SLC17A8: variants seen among roughly 807,000 people sequenced by gnomAD.
The protein encoded by SLC17A8 is solute carrier family 17 member 8, also known as vesicular glutamate transporter 3.
SLC17A8 carries 31 observed loss-of-function variants against 58.0 expected under a neutral mutation model. The ratio of observed to expected loss-of-function variants is 0.53; its 90% confidence interval spans 0.40 to 0.72. SLC17A8 has a LOEUF of 0.72. Among genes scored for constraint, SLC17A8 ranks in the 30% least tolerant of loss-of-function variants. The pLI, the probability that SLC17A8 is intolerant of heterozygous loss-of-function variation, is 0.00. For synonymous variants in SLC17A8, 228 were observed against 249.0 expected (o/e 0.92, Z 0.79); for missense variants, 655 against 727.8 (o/e 0.90, Z 1.15).
At chr12:100,394,325 AC>A (rs1322621911) in intron 4 of SLC17A8, among the ~76,000 whole-genome samples, 2 of 152,052 alleles carry the variant, frequency 1.3e-5, no homozygotes, top group Non-Finnish European at 2.9e-5. Context: ...AAAACAAAAA[AC>A]AAAAGATACC....
At chr12:100,379,921 C>T (rs200584324) in intron 1 of SLC17A8, among the ~76,000 whole-genome samples, 27 of 152,148 alleles carry the variant, frequency 1.8e-4, no homozygotes, top group African/African-American at 5.1e-4. Flanking sequence ...AAAATTAGGC[C>T]GGGCACAGTG....
chr12:100,389,880 G>A (rs1016244060), intron 2 of SLC17A8, among the ~76,000 whole-genome samples: 3 of 151,674 alleles, frequency 2.0e-5, no homozygotes, highest in Non-Finnish European at 2.9e-5. Flanking sequence ...GAGTGTAGTG[G>A]TGTGATCTTG....
intron 10 of SLC17A8, 66 bp from the exon 11 acceptor site, chr12:100,417,963 T>G (rs1952918046): frequency 2.5e-6 from 4 of 1,606,280 alleles, no homozygotes; most frequent in Non-Finnish European, 3.4e-6. Context: ...GGCAACTGAG[T>G]ATTTTCCAAA....
At position 100,404,073 on chromosome 12, in the gene SLC17A8, G is replaced by A. The variant is rs1952809801; in HGVS notation, c.1089G>A (p.Met363Ile). The A allele has an allele frequency of 1.2e-6, 2 of 1,614,172 alleles. No individual in the cohort carries two copies. The highest frequency in any genetic ancestry group is 1.7e-6 in the Non-Finnish European group (2 of 1,180,036). Residue 363 changes from methionine (M) to isoleucine (I), a missense_variant, in exon 9 of 12, where the codon ATG becomes ATA. Transcript: ENST00000323346. The stretch of plus-strand genomic sequence containing the variant: ...TGTCAGCAGTCCCACACATGGTTAT[G>A]ACAATCGTTGTACCTATTGGAGGAC... Reference protein sequence around the residue: ...GLLSAVPHMVMTIVVPIGGQL... With the variant: ...GLLSAVPHMVITIVVPIGGQL...
At chr12:100,362,332 C>T (rs909036253) in intron 1 of SLC17A8, among the ~76,000 whole-genome samples, 3 of 152,180 alleles carry the variant, frequency 2.0e-5, no homozygotes, top group African/African-American at 7.2e-5. Context: ...GTGTTTGGCA[C>T]TGAGGTGGTC....
chr12:100,403,930 TTGG>T, intron 8 of SLC17A8, 105 bp from the exon 9 acceptor site: 2 of 1,240,778 alleles, frequency 1.6e-6, no homozygotes, highest in Non-Finnish European at 1.2e-6. Context: ...ATGCTTAAAT[TTGG>T]TGGTGGTAGG....
At chr12:100,376,207 C>T (rs1243448654) in intron 1 of SLC17A8, among the ~76,000 whole-genome samples, 4 of 152,184 alleles carry the variant, frequency 2.6e-5, no homozygotes, top group Non-Finnish European at 5.9e-5. Context: ...AAATACATTT[C>T]TGTTGTTTAG....
rs533441589 is a variant in SLC17A8 at position 100,389,907 on chromosome 12, G to C, written c.355-1094G>C. ...GTGATCTTGGCTCACTACAACCTCT[G>C]CCTCTTGGGTTCAAGTGATTCTCCT... On this transcript the variant is annotated intron_variant, in intron 2 of 11. Coordinates refer to ENST00000323346, the MANE Select transcript of SLC17A8 (RefSeq NM_139319.3). 2.2e-3 allele frequency among the ~76,000 whole-genome samples: 340 copies of C among 151,840 alleles called. 7 individuals are homozygous for C. The highest frequency in any genetic ancestry group is 6.9e-3 in the Middle Eastern group (2 of 288).
intron 1 of SLC17A8, among the ~76,000 whole-genome samples, chr12:100,380,315 T>C (rs1299483635): frequency 2.6e-5 from 4 of 151,918 alleles, no homozygotes; most frequent in Non-Finnish European, 4.4e-5. Flanking sequence ...CAGTATAGCA[T>C]ATTGTTTTAG....
At chr12:100,406,274 C>T (rs1952825241) in intron 9 of SLC17A8, among the ~76,000 whole-genome samples, 1 of 152,162 alleles carries the variant, frequency 6.6e-6, no homozygotes, top group African/African-American at 2.4e-5. Flanking sequence ...GGCAACTCAT[C>T]ATGTGGTGCC....
intron 1 of SLC17A8, among the ~76,000 whole-genome samples, chr12:100,367,120 TATAGAAAATCCATTCCTGC>T (rs1440291088): frequency 6.6e-6 from 1 of 152,216 alleles, no homozygotes; most frequent in Non-Finnish European, 1.5e-5. Flanking sequence ...TCTGGTCTTA[TATAGAAAATCCATTCCTGC>T]ATAGTCATTT....
chr12:100,385,100 G>GTC (rs201988858), intron 2 of SLC17A8, among the ~76,000 whole-genome samples: 29 of 149,964 alleles, frequency 1.9e-4, no homozygotes, highest in East Asian at 3.9e-4. Flanking sequence ...TTGGGTTGCT[G>GTC]TCTCTCTCTC....
chr12:100,404,062 C>T lies in SLC17A8; in HGVS notation c.1078C>T (p.His360Tyr). 2 of 1,614,114 alleles carry T rather than the reference C, an allele frequency of 1.2e-6. No homozygotes were observed. The highest frequency in any genetic ancestry group is 1.1e-5 in the South Asian group (1 of 91,078). The change falls in exon 9 of 12, where the codon CAC becomes TAC. Residue 360 changes from histidine to tyrosine, a missense_variant. By Grantham distance (83) the His-to-Tyr change is moderately conservative. Transcript: ENST00000323346. ...GGTGGGTCTCTTGTCAGCAGTCCCA[C>T]ACATGGTTATGACAATCGTTGTACC... Reference protein sequence around the residue: ...SKVGLLSAVPHMVMTIVVPIG... With the variant: ...SKVGLLSAVPYMVMTIVVPIG...
chr12:100,415,161 CT>C (rs1555327661), intron 10 of SLC17A8, among the ~76,000 whole-genome samples: 2 of 151,310 alleles, frequency 1.3e-5, no homozygotes, highest in East Asian at 1.9e-4. Flanking sequence ...TTTTGTTTTC[CT>C]TTTTTTTTAG....
chr12:100,401,712 T>C, intron 5 of SLC17A8, 65 bp from the exon 6 acceptor site: 1 of 1,305,240 alleles, frequency 7.7e-7, no homozygotes, highest in South Asian at 1.2e-5. Flanking sequence ...CCATATGAAT[T>C]CTAAATGAGC....
intron 9 of SLC17A8, 95 bp from the exon 10 acceptor site, chr12:100,412,675 T>C (rs1251957967): frequency 1.2e-6 from 1 of 814,666 alleles, no homozygotes; most frequent in Non-Finnish European, 2.2e-6. Flanking sequence ...CTTAGGTCTG[T>C]GGAATTATAG....
In SLC17A8 at chr12:100,420,452, A is replaced by G. The variant is rs769019611; in HGVS notation, c.*293A>G. ...ACTAGAAGAAAAAGGAGACAATACC[A>G]TGTTGTTCAAAGAAACATTGAAGGA... On this transcript the variant is annotated 3_prime_UTR_variant, in exon 12 of 12. Coordinates refer to ENST00000323346, the MANE Select transcript of SLC17A8 (RefSeq NM_139319.3). 4 of 334,558 alleles carry G rather than the reference A, an allele frequency of 1.2e-5. No homozygotes were observed. Among genetic ancestry groups the G allele is most frequent in the Non-Finnish European group, 1.7e-5 (3 of 180,010 alleles). The allele number at this position is 334,558 out of a possible 1,614,324, so 20.7% of individuals were successfully genotyped here. A position where few individuals can be genotyped will look rare whatever the true frequency, so the allele number is the denominator to read the frequency against.
chr12:100,390,179 G>T (rs549252206), intron 2 of SLC17A8, among the ~76,000 whole-genome samples: 2 of 152,096 alleles, frequency 1.3e-5, no homozygotes, highest in South Asian at 4.1e-4. Context: ...TGCCCAGGCT[G>T]GTCTTGAGCT....
At chr12:100,384,347 C>T (rs1952658320) in intron 2 of SLC17A8, among the ~76,000 whole-genome samples, 1 of 152,122 alleles carries the variant, frequency 6.6e-6, no homozygotes, top group South Asian at 2.1e-4. Flanking sequence ...TGCCTGTAAT[C>T]CCAGCAATTT....
Sources: gnomAD v4.1 joint callset for allele counts (sites outside exome capture counted in the v4.1 genomes callset) on GRCh38, gnomAD v4.1.1 for gene constraint, MANE v1.5 for transcripts, NCBI Gene and HGNC (gene_info 2026-07-23, HGNC 2026-07-21) for gene names.